Variants in NRG3 observed in about 807,000 individuals in gnomAD.
The protein encoded by NRG3 is neuregulin 3.
Under a neutral mutation model 66.9 loss-of-function variants are expected in NRG3, and 31 were observed. The ratio of observed to expected loss-of-function variants is 0.46; its 90% confidence interval spans 0.35 to 0.63. NRG3 has a LOEUF of 0.63. Ranked by LOEUF, NRG3 falls within the 20% of genes least tolerant of loss-of-function variation. The pLI, the probability that NRG3 is intolerant of heterozygous loss-of-function variation, is 0.00. For missense variants in NRG3, 910 were observed against 878.9 expected (o/e 1.04, Z -0.45); for synonymous variants, 393 against 359.4 (o/e 1.09, Z -1.06).
At chr10:82,385,290 T>C (rs180804831) in intron 2 of NRG3, among the ~76,000 whole-genome samples, 6 of 152,276 alleles carry the variant, frequency 3.9e-5, no homozygotes, top group African/African-American at 1.4e-4. Flanking sequence ...GTTGATAGCT[T>C]CTTTTGCTGT....
chr10:82,054,208 A>G (rs34171154), intron 1 of NRG3, among the ~76,000 whole-genome samples: 8,031 of 152,278 alleles, frequency 0.053, 300 homozygotes, highest in Middle Eastern at 0.099. Flanking sequence ...CTGAAAATAG[A>G]CTGTGGTGCA....
intron 1 of NRG3, among the ~76,000 whole-genome samples, chr10:82,103,174 T>C (rs1380262639): frequency 6.6e-6 from 1 of 152,170 alleles, no homozygotes; most frequent in Non-Finnish European, 1.5e-5. Context: ...TCTTCCTGCC[T>C]CCATAGTTTC....
intron 2 of NRG3, among the ~76,000 whole-genome samples, chr10:82,382,695 T>C (rs768017937): frequency 3.3e-5 from 5 of 152,004 alleles, no homozygotes; most frequent in Non-Finnish European, 5.9e-5. Flanking sequence ...AAAGGTCCCA[T>C]TATTGTATAT....
intron 2 of NRG3, among the ~76,000 whole-genome samples, chr10:82,712,446 G>A (rs2134407492): frequency 6.6e-6 from 1 of 152,194 alleles, no homozygotes; most frequent in Admixed American, 6.5e-5. Flanking sequence ...CAAACCTTCG[G>A]GTGCATCAGA....
chr10:82,372,551 A>G (rs1801215528), intron 2 of NRG3, among the ~76,000 whole-genome samples: 1 of 152,190 alleles, frequency 6.6e-6, no homozygotes, highest in Non-Finnish European at 1.5e-5. Context: ...CACAAAGACA[A>G]TTTTATTGTT....
intron 1 of NRG3, among the ~76,000 whole-genome samples, chr10:82,148,161 G>C (rs1343425090): frequency 6.6e-6 from 1 of 152,040 alleles, no homozygotes; most frequent in East Asian, 1.9e-4. Context: ...TCCTAGAATT[G>C]TTGAACATTC....
At chr10:82,290,715 A>G (rs1283210400) in intron 1 of NRG3, among the ~76,000 whole-genome samples, 1 of 151,368 alleles carries the variant, frequency 6.6e-6, no homozygotes, top group Admixed American at 6.6e-5. Flanking sequence ...GCTCACTGCA[A>G]CCTCCGCCTC....
intron 4 of NRG3, among the ~76,000 whole-genome samples, chr10:82,886,807 A>C: frequency 6.6e-6 from 1 of 152,162 alleles, no homozygotes; most frequent in East Asian, 1.9e-4. Flanking sequence ...TAGTCTTATC[A>C]TTTCACCTTT....
At chr10:82,983,734 T>G (rs2132692364) in intron 8 of NRG3, among the ~76,000 whole-genome samples, 1 of 152,330 alleles carries the variant, frequency 6.6e-6, no homozygotes, top group South Asian at 2.1e-4. Context: ...TGTTAGCTGT[T>G]GTTATTAAGT....
chr10:82,083,362 G>A (rs1175604956), intron 1 of NRG3, among the ~76,000 whole-genome samples: 2 of 151,934 alleles, frequency 1.3e-5, no homozygotes, highest in African/African-American at 4.8e-5. Context: ...GTAATTTAAG[G>A]AAGATGTATT....
At chr10:82,250,282 C>T (rs1317076946) in intron 1 of NRG3, among the ~76,000 whole-genome samples, 1 of 152,006 alleles carries the variant, frequency 6.6e-6, no homozygotes, top group African/African-American at 2.4e-5. Context: ...TATTTTTGTG[C>T]TTGGCTTTTC....
rs570705941 is a variant in NRG3 at position 82,269,000 on chromosome 10, TTGTC to T, written c.824-89735_824-89732del. Among the ~76,000 whole-genome samples the T allele has an allele frequency of 9.9e-5, 15 of 152,260 alleles. No individual in the cohort carries two copies. In the South Asian group the frequency reaches 3.1e-3, roughly 32 times the overall value. ...CTTCACTGTCAAATTCTCTGAAACA[TTGTC>T]TGTATTCACCGTGACTCCTTTGCAA... On this transcript the variant is annotated intron_variant, in intron 1 of 8. Coordinates refer to ENST00000372141, the MANE Select transcript of NRG3 (RefSeq NM_001010848.4).
rs1842045808 is a variant in NRG3 at position 81,875,255 on chromosome 10, C to T, written c.-86C>T. 2 of 888,426 alleles carry T rather than the reference C, an allele frequency of 2.3e-6. No homozygotes were observed. Among genetic ancestry groups the T allele is most frequent in the South Asian group, 4.9e-5 (1 of 20,240 alleles). The allele number at this position is 888,426 out of a possible 1,614,324, so 55.0% of individuals were successfully genotyped here. ...CCGAGCCCGCCGCCGCCGCCGGAGCCCGCGCCCGCGCCCGCGCCCGGCCCG... is the reference window on the plus strand; with the variant it reads ...CCGAGCCCGCCGCCGCCGCCGGAGCTCGCGCCCGCGCCCGCGCCCGGCCCG... On this transcript the variant is annotated 5_prime_UTR_variant, in exon 1 of 9. Transcript: ENST00000372141. The surrounding 1 kb of genome is among the most constrained non-coding windows in gnomAD (Gnocchi z 5.3).
At chr10:82,441,456 T>C (rs1231340656) in intron 2 of NRG3, among the ~76,000 whole-genome samples, 1 of 152,238 alleles carries the variant, frequency 6.6e-6, no homozygotes, top group Non-Finnish European at 1.5e-5. Flanking sequence ...TGCTATTCAC[T>C]GTTTCCATGA....
chr10:82,683,447 A>G (rs190665981), intron 2 of NRG3, among the ~76,000 whole-genome samples: 372 of 152,278 alleles, frequency 2.4e-3, no homozygotes, highest in Non-Finnish European at 4.0e-3. Flanking sequence ...TGCCTACTGT[A>G]ACACCTAACA....
intron 2 of NRG3, among the ~76,000 whole-genome samples, chr10:82,668,526 A>T (rs970473931): frequency 6.6e-6 from 1 of 152,172 alleles, no homozygotes; most frequent in African/African-American, 2.4e-5. Flanking sequence ...GATACAGGCC[A>T]AATTTACCCC....
intron 2 of NRG3, among the ~76,000 whole-genome samples, chr10:82,529,322 G>C (rs762207965): frequency 1.3e-5 from 2 of 152,172 alleles, no homozygotes; most frequent in Non-Finnish European, 2.9e-5. Flanking sequence ...AACCTGCCTG[G>C]TGCAGGAAGA....
intron 8 of NRG3, among the ~76,000 whole-genome samples, chr10:82,980,543 A>C (rs529298349): frequency 6.6e-6 from 1 of 152,144 alleles, no homozygotes; most frequent in South Asian, 2.1e-4. Flanking sequence ...TATCAGGCTA[A>C]AGATCAAAAC....
At chr10:82,674,205 T>G (rs1165916132) in intron 2 of NRG3, among the ~76,000 whole-genome samples, 1 of 152,006 alleles carries the variant, frequency 6.6e-6, no homozygotes, top group African/African-American at 2.4e-5. Flanking sequence ...ACCAGGAAAA[T>G]AAAGAGACAA....
Sources: gnomAD v4.1 joint callset for allele counts (sites outside exome capture counted in the v4.1 genomes callset) on GRCh38, gnomAD v4.1.1 for gene constraint, Gnocchi (gnomAD v3.1) non-coding constraint, MANE v1.5 for transcripts, NCBI Gene and HGNC (gene_info 2026-07-23, HGNC 2026-07-21) for gene names.